The following FNDC1 variants were observed in gnomAD, a reference collection of about 807,000 sequenced individuals.
The protein encoded by FNDC1 is fibronectin type III domain-containing protein 1.
In FNDC1, 96 loss-of-function variants were observed where a neutral mutation model predicts 168.0. That is an observed-to-expected ratio of 0.57 (90% confidence interval 0.48 to 0.68). The LOEUF (loss-of-function observed/expected upper bound fraction) is 0.68, where lower values mean the gene tolerates loss of function less well. Ranked by LOEUF, FNDC1 falls within the 30% of genes least tolerant of loss-of-function variation. The pLI is 0.00. For missense variants in FNDC1, 2,587 were observed against 2,482.1 expected, an observed-to-expected ratio of 1.04 and a Z score of -0.90; for synonymous variants, 1,099 against 1,025.9, an observed-to-expected ratio of 1.07 and a Z score of -1.36.
chr6:159,216,727 T>G (rs1179927063), intron 5 of FNDC1, among the ~76,000 whole-genome samples: 2 of 152,234 alleles, frequency 1.3e-5, no homozygotes, highest in African/African-American at 4.8e-5. Flanking sequence ...TAATTCTGGG[T>G]TCCGTGTAAA....
chr6:159,227,569 T>C (rs551952458), intron 9 of FNDC1, among the ~76,000 whole-genome samples: 27 of 152,218 alleles, frequency 1.8e-4, no homozygotes, highest in African/African-American at 5.1e-4. Flanking sequence ...GGAAGGTCGA[T>C]GTGGAACTGT....
chr6:159,225,178 G>GACACAC (rs755587981), intron 7 of FNDC1, among the ~76,000 whole-genome samples: 9 of 146,324 alleles, frequency 6.2e-5, no homozygotes, highest in Admixed American at 2.1e-4. Flanking sequence ...CACAAATACA[G>GACACAC]ACACACACAC....
At chr6:159,180,934 A>G (rs1272559383) in intron 1 of FNDC1, among the ~76,000 whole-genome samples, 2 of 152,176 alleles carry the variant, frequency 1.3e-5, no homozygotes, top group Non-Finnish European at 2.9e-5. Flanking sequence ...TAGTGCTGCA[A>G]TGAACATACG....
intron 1 of FNDC1, among the ~76,000 whole-genome samples, chr6:159,191,368 G>T (rs1263778277): frequency 1.3e-5 from 2 of 152,122 alleles, no homozygotes; most frequent in African/African-American, 4.8e-5. Context: ...TTTAAGACTT[G>T]ATTTTCAAAT....
intron 8 of FNDC1, 74 bp from the exon 9 acceptor site, chr6:159,226,399 G>T: frequency 8.7e-7 from 1 of 1,154,226 alleles, no homozygotes; most frequent in South Asian, 1.5e-5. Context: ...TGTGTACCTA[G>T]AGACCATGTG....
chr6:159,183,275 G>C (rs956552028), intron 1 of FNDC1, among the ~76,000 whole-genome samples: 2 of 152,178 alleles, frequency 1.3e-5, no homozygotes, highest in Non-Finnish European at 1.5e-5. Context: ...TCTTTCAAGA[G>C]GAGAAAAATG....
At chr6:159,257,274 G>T (rs994147941) in intron 18 of FNDC1, among the ~76,000 whole-genome samples, 4 of 152,160 alleles carry the variant, frequency 2.6e-5, no homozygotes, top group Admixed American at 2.0e-4. Context: ...GGGTGAGCAT[G>T]GGAAAGCACC....
At chr6:159,257,791 G>A (rs980425280) in intron 18 of FNDC1, among the ~76,000 whole-genome samples, 15 of 152,120 alleles carry the variant, frequency 9.9e-5, no homozygotes, top group Admixed American at 3.9e-4. Context: ...TAGTAAACCA[G>A]GAAACTGAGA....
chr6:159,217,744 G>A (rs1468469744), intron 5 of FNDC1, among the ~76,000 whole-genome samples: 3 of 152,208 alleles, frequency 2.0e-5, no homozygotes, highest in Non-Finnish European at 4.4e-5. Flanking sequence ...AGCCAGCCCA[G>A]CGTATGGACT....
At chr6:159,193,358 A>G (rs1160604335) in intron 1 of FNDC1, among the ~76,000 whole-genome samples, 1 of 152,104 alleles carries the variant, frequency 6.6e-6, no homozygotes, top group Non-Finnish European at 1.5e-5. Flanking sequence ...CACTTGCTGG[A>G]GGTTCATGGC....
intron 4 of FNDC1, among the ~76,000 whole-genome samples, chr6:159,201,510 G>A (rs1782376905): frequency 6.6e-6 from 1 of 152,216 alleles, no homozygotes; most frequent in Non-Finnish European, 1.5e-5. Flanking sequence ...TAGCTGATTT[G>A]AGAAGAGAGA....
At chr6:159,266,492 C>G (rs937418846) in intron 21 of FNDC1, among the ~76,000 whole-genome samples, 1 of 152,138 alleles carries the variant, frequency 6.6e-6, no homozygotes, top group Non-Finnish European at 1.5e-5. Context: ...CACCTGTAAT[C>G]GCAGCACTTT....
At chr6:159,183,888 T>A (rs142332446) in intron 1 of FNDC1, among the ~76,000 whole-genome samples, 1 of 152,364 alleles carries the variant, frequency 6.6e-6, no homozygotes, top group East Asian at 1.9e-4. Context: ...TCATGTGTCC[T>A]TATGAATTCA....
rs1031735872 is a variant in FNDC1, at chr6:159,225,548, C to T, written c.898C>T (p.Arg300Cys). 18 of 1,612,348 alleles carry T rather than the reference C, an allele frequency of 1.1e-5. 1 individual carries two copies. Among genetic ancestry groups the T allele is most frequent in the African/African-American group, 6.7e-5 (5 of 74,874 alleles). ...KVVASRQYTV[R>C]YREKGELARW... ...GTTTTCTTACAGACAGTACACCGTG[C>T]GCTATCGAGAGAAGGGGGAATTGGC... The change falls in exon 8 of 23, where the codon CGC becomes TGC. Residue 300 changes from arginine to cysteine, a missense_variant. Transcript: ENST00000297267.
At chr6:159,178,565 C>T (rs937866573) in intron 1 of FNDC1, among the ~76,000 whole-genome samples, 2 of 152,098 alleles carry the variant, frequency 1.3e-5, no homozygotes, top group Admixed American at 1.3e-4. Context: ...TATTTACCTT[C>T]CTTCCTCCCA....
At position 159,239,531 on chromosome 6, in the gene FNDC1, C is replaced by A. The variant is rs1015199466; in HGVS notation, c.4195C>A (p.Pro1399Thr). ...GRTIVDLEGT[P>T]VVSPDGLPLF... Reference sequence around the variant, plus strand: ...TTTTGTTTCAGATCTGGAAGGGACCCCCGTGGTGAGTCCTGACGGCCTCCC... The same window carrying A: ...TTTTGTTTCAGATCTGGAAGGGACCACCGTGGTGAGTCCTGACGGCCTCCC... The change falls in exon 14 of 23, where the codon CCC becomes ACC. Residue 1399 changes from proline (P) to threonine (T), a missense_variant. Physicochemically the swap from Pro to Thr is conservative, Grantham distance 38. Coordinates refer to ENST00000297267, the MANE Select transcript of FNDC1 (RefSeq NM_032532.3). 1.9e-6 allele frequency: 3 copies of A among 1,599,794 alleles called. No homozygotes were observed. The African/African-American group carries it at 4.0e-5, about 21-fold the overall frequency.
chr6:159,204,808 G>C (rs1782455410), intron 4 of FNDC1, among the ~76,000 whole-genome samples: 1 of 152,188 alleles, frequency 6.6e-6, no homozygotes, highest in Non-Finnish European at 1.5e-5. Context: ...GCCACTTCCT[G>C]ATTGTCCTCA....
intron 2 of FNDC1, among the ~76,000 whole-genome samples, chr6:159,199,693 A>C (rs1035580435): frequency 6.6e-6 from 1 of 152,362 alleles, no homozygotes; most frequent in Non-Finnish European, 1.5e-5. Context: ...ATTTCACATT[A>C]AAACCTTCAA....
Position 159,271,589 on chromosome 6 carries a change from A to C in FNDC1, c.*147A>C. On this transcript the variant is annotated 3_prime_UTR_variant, in exon 23 of 23. Transcript: ENST00000297267. Reference sequence around the variant, plus strand: ...TAGATGGACACTGGCCATTCTGGTCATCTCAGTCTGGAACTCAGTCCCACT... The same window carrying C: ...TAGATGGACACTGGCCATTCTGGTCCTCTCAGTCTGGAACTCAGTCCCACT... 2 of 621,288 alleles carry C rather than the reference A, an allele frequency of 3.2e-6. No homozygotes were observed. Among genetic ancestry groups the C allele is most frequent in the South Asian group, 1.9e-5 (1 of 53,540 alleles). The allele number at this position is 621,288 out of a possible 1,614,324, so 38.5% of individuals were successfully genotyped here.
Sources: gnomAD v4.1 joint callset for allele counts (sites outside exome capture counted in the v4.1 genomes callset) on GRCh38, gnomAD v4.1.1 for gene constraint, MANE v1.5 for transcripts, NCBI Gene and HGNC (gene_info 2026-07-23, HGNC 2026-07-21) for gene names.